VPS13B: variants seen among roughly 807,000 people sequenced by gnomAD.
VPS13B encodes the protein vacuolar protein sorting 13 homolog B.
A neutral mutation model predicts 426.4 loss-of-function variants in VPS13B; 285 were observed. The observed-to-expected ratio is 0.67, with a 90% CI of 0.61 to 0.74. The LOEUF is 0.74. Ranked by LOEUF, VPS13B falls within the 30% of genes least tolerant of loss-of-function variation. The pLI, the probability that VPS13B is intolerant of heterozygous loss-of-function variation, is 0.00. For missense variants in VPS13B, 4,537 were observed against 4,782.6 expected (o/e 0.95, Z 1.51); for synonymous variants, 1,676 against 1,676.4 (o/e 1.00, Z 0.01).
intron 35 of VPS13B, chr8:99,696,678 A>T: frequency 1.3e-6 from 1 of 761,210 alleles, no homozygotes; most frequent in Non-Finnish European, 2.4e-6. Flanking sequence ...GAGGACCTTG[A>T]AGAACATAGC....
intron 19 of VPS13B, among the ~76,000 whole-genome samples, chr8:99,288,108 A>G (rs531492876): frequency 1.3e-5 from 2 of 152,172 alleles, no homozygotes; most frequent in African/African-American, 4.8e-5. Context: ...ATATTCCTAG[A>G]AGGATATTGA....
chr8:99,304,671 C>T (rs141202554), intron 19 of VPS13B, among the ~76,000 whole-genome samples: 54 of 152,258 alleles, frequency 3.5e-4, no homozygotes, highest in Middle Eastern at 3.4e-3. Flanking sequence ...CAAGCCTACA[C>T]CTTGACCTTT....
Position 99,115,832 on chromosome 8 carries a change from G to A in VPS13B, c.895G>A (p.Asp299Asn), listed in dbSNP as rs758289182. The change falls in exon 7 of 62, where the codon GAC becomes AAC. Residue 299 changes from aspartate to asparagine, a missense_variant. Asp to Asn is a conservative substitution (Grantham distance 23, BLOSUM62 1). Around this residue, in one of 2 missense-constraint regions of VPS13B, gnomAD observed 4,311 missense variants for 4,474.3 expected, o/e 0.96. Coordinates refer to ENST00000357162, the MANE Select transcript of VPS13B (RefSeq NM_152564.5). ...CAATTTTAAAGAAGGCGAAATAGAGGACCTTACTTGTCATAATAAAGATAT... is the reference window on the plus strand; with the variant it reads ...CAATTTTAAAGAAGGCGAAATAGAGAACCTTACTTGTCATAATAAAGATAT... ...IGNFKEGEIEDLTCHNKDMLG... is the reference protein window; with the variant it reads ...IGNFKEGEIENLTCHNKDMLG... 6.2e-7 allele frequency: 1 copy of A among 1,613,544 alleles called. No individual in the cohort carries two copies. Among genetic ancestry groups the A allele is most frequent in the Admixed American group, 1.7e-5 (1 of 59,990 alleles).
chr8:99,738,360 T>C (rs1447912266), intron 39 of VPS13B, among the ~76,000 whole-genome samples: 1 of 152,240 alleles, frequency 6.6e-6, no homozygotes. Context: ...ATCTTTTTTC[T>C]CTTTAGCTAA....
chr8:99,780,302 A>G (rs1208788747), intron 42 of VPS13B, among the ~76,000 whole-genome samples: 1 of 152,184 alleles, frequency 6.6e-6, no homozygotes, highest in East Asian at 1.9e-4. Context: ...ATATAAAAGA[A>G]TCATTGATAG....
intron 23 of VPS13B, among the ~76,000 whole-genome samples, chr8:99,460,891 GAGAT>G (rs1392964520): frequency 6.6e-6 from 1 of 152,184 alleles, no homozygotes; most frequent in Non-Finnish European, 1.5e-5. Flanking sequence ...CTCTGTGGTA[GAGAT>G]AGAAATGACT....
chr8:99,579,252 T>A (rs1454717693), intron 33 of VPS13B, among the ~76,000 whole-genome samples: 2 of 152,322 alleles, frequency 1.3e-5, no homozygotes, highest in East Asian at 3.9e-4. Flanking sequence ...ATTCAATTTT[T>A]AAATTATTAG....
chr8:99,853,521 A>T lies in VPS13B; in HGVS notation c.10132A>T (p.Thr3378Ser), dbSNP rs770379709. 3.7e-6 allele frequency: 6 copies of T among 1,614,038 alleles called. No individual in the cohort carries two copies. Among genetic ancestry groups the T allele is most frequent in the Non-Finnish European group, 5.1e-6 (6 of 1,180,024 alleles). Residue 3378 changes from threonine (T) to serine (S), a missense_variant, in exon 56 of 62, where the codon ACC (threonine) becomes TCC (serine). Thr to Ser is a moderately conservative substitution (Grantham distance 58, BLOSUM62 1). This residue lies in a region of VPS13B where 4,311 missense variants were observed against 4,474.3 expected (regional missense o/e 0.96). Transcript: ENST00000357162. ...AAGCCTGGCAGTGTTTGATGACCTC[A>T]CCCACCACAAAGCATCAGCTGAGCT... is the stretch of plus-strand genomic sequence containing the variant. The part of the protein sequence containing the change: ...QLSLAVFDDL[T>S]HHKASAELLR...
intron 23 of VPS13B, among the ~76,000 whole-genome samples, chr8:99,454,210 G>A (rs1257708082): frequency 1.3e-5 from 2 of 151,844 alleles, no homozygotes; most frequent in Non-Finnish European, 2.9e-5. Flanking sequence ...TTTGAGACAG[G>A]GTCTCATTCT....
intron 35 of VPS13B, among the ~76,000 whole-genome samples, chr8:99,676,498 C>A (rs747841897): frequency 6.6e-6 from 1 of 151,860 alleles, no homozygotes; most frequent in African/African-American, 2.4e-5. Flanking sequence ...GTGGTGGAGA[C>A]CAAGACAAAG....
intron 33 of VPS13B, among the ~76,000 whole-genome samples, chr8:99,607,301 A>T (rs1563822010): frequency 6.6e-6 from 1 of 152,218 alleles, no homozygotes; most frequent in Non-Finnish European, 1.5e-5. Context: ...CTAGAGAGAT[A>T]ATCTGGATAG....
intron 34 of VPS13B, among the ~76,000 whole-genome samples, 174 bp from the exon 35 acceptor site, chr8:99,661,180 T>G (rs1398284702): frequency 6.6e-6 from 1 of 152,156 alleles, no homozygotes; most frequent in Non-Finnish European, 1.5e-5. Context: ...AGTGATAGTT[T>G]ATCTTTTTCA....
At chr8:99,858,528 A>C (rs905795859) in intron 56 of VPS13B, among the ~76,000 whole-genome samples, 5 of 152,166 alleles carry the variant, frequency 3.3e-5, no homozygotes, top group Non-Finnish European at 5.9e-5. Flanking sequence ...TCTACTAAAA[A>C]TACAAAATCA....
rs76464843 is a variant in VPS13B at position 99,193,765 on chromosome 8, T to C, written c.2515+708T>C. Reference sequence around the variant, plus strand: ...TCTTATATGATGCTTTTGAAGGTTTTAATTTCAGACCTGACATCATAATTA... The same window carrying C: ...TCTTATATGATGCTTTTGAAGGTTTCAATTTCAGACCTGACATCATAATTA... On this transcript the variant is annotated intron_variant, in intron 17 of 61. Coordinates refer to ENST00000357162, the MANE Select transcript of VPS13B (RefSeq NM_152564.5). Among the ~76,000 whole-genome samples, 19 of 152,316 alleles carry C rather than the reference T, an allele frequency of 1.2e-4. No homozygotes were observed. In the East Asian group the frequency reaches 3.7e-3, roughly 29 times the overall value.
intron 21 of VPS13B, among the ~76,000 whole-genome samples, chr8:99,428,085 T>C (rs896010231): frequency 2.6e-5 from 4 of 152,240 alleles, no homozygotes; most frequent in African/African-American, 9.6e-5. Context: ...GCTAGCCATA[T>C]GTAGAAAGCT....
intron 39 of VPS13B, among the ~76,000 whole-genome samples, chr8:99,744,894 A>C (rs970111454): frequency 1.3e-5 from 2 of 152,134 alleles, no homozygotes; most frequent in Non-Finnish European, 2.9e-5. Flanking sequence ...TGGGTGCAGC[A>C]CACCAACATG....
chr8:99,836,809 A>G (rs954743031), intron 54 of VPS13B, among the ~76,000 whole-genome samples: 2 of 152,216 alleles, frequency 1.3e-5, no homozygotes, highest in Non-Finnish European at 2.9e-5. Context: ...GCATTGTGCT[A>G]AGCACTTTAC....
At chr8:99,087,405 A>G (rs1845880451) in intron 3 of VPS13B, among the ~76,000 whole-genome samples, 2 of 152,028 alleles carry the variant, frequency 1.3e-5, no homozygotes, top group African/African-American at 4.8e-5. Flanking sequence ...TTGCACTTCC[A>G]GGGTGAGGCA....
chr8:99,744,372 G>A (rs1392694607), intron 39 of VPS13B, among the ~76,000 whole-genome samples: 2 of 152,100 alleles, frequency 1.3e-5, no homozygotes, highest in Non-Finnish European at 2.9e-5. Flanking sequence ...ACTGTTGGTG[G>A]GACTGTAAAC....
Sources: allele counts gnomAD v4.1 joint callset (sites outside exome capture counted in the v4.1 genomes callset), GRCh38; gene constraint gnomAD v4.1.1; regional missense constraint gnomAD v4.1.1; transcripts MANE v1.5; gene names NCBI Gene and HGNC (gene_info 2026-07-23, HGNC 2026-07-21).